RAB38: variants seen among roughly 807,000 people sequenced by gnomAD.
RAB38 encodes the protein RAB38, member RAS oncogene family, also known as ras-related protein Rab-38.
A neutral mutation model predicts 18.4 loss-of-function variants in RAB38; 15 were observed. That is an observed-to-expected ratio of 0.82 (90% CI 0.55 to 1.26). The LOEUF is 1.26. Ranked by LOEUF, RAB38 falls within the 50% of genes most tolerant of loss-of-function variation. RAB38 has a pLI of 0.00. For missense variants in RAB38, 294 were observed against 267.4 expected, an observed-to-expected ratio of 1.10 and a Z score of -0.69; for synonymous variants, 101 against 104.4, an observed-to-expected ratio of 0.97 and a Z score of 0.20.
At chr11:88,089,136 T>A in the RAB38 span, among the ~76,000 whole-genome samples, 1 of 151,978 alleles carries the variant, frequency 6.6e-6, no homozygotes, top group African/African-American at 2.4e-5. Context: ...TTCCTTCTCA[T>A]GTCAGGGGCA....
At chr11:87,923,562 T>A in the RAB38 span, among the ~76,000 whole-genome samples, 150 of 151,254 alleles carry the variant, frequency 9.9e-4, no homozygotes, top group Middle Eastern at 3.4e-3. Context: ...TGTGTGTGTG[T>A]GTGTGTGTGT....
chr11:87,929,291 C>G, the RAB38 span, among the ~76,000 whole-genome samples: 1 of 151,938 alleles, frequency 6.6e-6, no homozygotes, highest in South Asian at 2.1e-4. Flanking sequence ...CTTATTGTAA[C>G]CCCCTCTTTC....
At chr11:87,971,946 A>T in the RAB38 span, among the ~76,000 whole-genome samples, 2 of 151,730 alleles carry the variant, frequency 1.3e-5, no homozygotes, top group South Asian at 4.2e-4. Context: ...AAAGCTATTT[A>T]AAAAGGAGGC....
At chr11:87,908,459 C>T in the RAB38 span, among the ~76,000 whole-genome samples, 1 of 151,930 alleles carries the variant, frequency 6.6e-6, no homozygotes, top group South Asian at 2.1e-4. Context: ...AGGCTTCAAG[C>T]AGAATTCTAA....
chr11:88,042,344 T>G, the RAB38 span, among the ~76,000 whole-genome samples: 1 of 152,264 alleles, frequency 6.6e-6, no homozygotes, highest in South Asian at 2.1e-4. Context: ...TAATTGCTTC[T>G]CTAGGATGTG....
At chr11:87,939,641 T>G in the RAB38 span, among the ~76,000 whole-genome samples, 13 of 152,118 alleles carry the variant, frequency 8.5e-5, no homozygotes, top group Non-Finnish European at 1.6e-4. Context: ...TAAGATAGCT[T>G]GAGCCCAGGA....
the RAB38 span, among the ~76,000 whole-genome samples, chr11:87,891,770 A>G: frequency 6.6e-6 from 1 of 151,902 alleles, no homozygotes; most frequent in Admixed American, 6.6e-5. Context: ...GCCACTAGGA[A>G]TCAGGAGTAA....
the RAB38 span, among the ~76,000 whole-genome samples, chr11:87,863,148 C>CTAGAATGGTCTTCCAATGT: frequency 6.6e-6 from 1 of 151,768 alleles, no homozygotes; most frequent in Non-Finnish European, 1.5e-5. Context: ...ATGAGCGGGA[C>CTAGAATGGTCTTCCAATGT]TAGAATGGTC....
rs541969815 is a variant in RAB38 at position 88,164,244 on chromosome 11, C to T, written c.202+10939G>A. 5.5e-5 allele frequency among the ~76,000 whole-genome samples: 6 copies of T among 109,592 alleles called. No individual in the cohort carries two copies. In the South Asian group the frequency reaches 1.6e-3, roughly 30 times the overall value. 71.9% of individuals were successfully genotyped at this position (109,592 alleles called of 152,430 possible). On this transcript the variant is annotated intron_variant, in intron 1 of 2. Transcript: ENST00000243662. ...ACAGTTATAACTCCCAAAATATATG[C>T]CAAGGTGCTCTCGGTGGGGGGGGGT...
chr11:87,845,727 G>C, the RAB38 span, among the ~76,000 whole-genome samples: 1 of 151,996 alleles, frequency 6.6e-6, no homozygotes, highest in Non-Finnish European at 1.5e-5. Flanking sequence ...CTCAAAGACA[G>C]CAACACTAGA....
At chr11:88,035,499 C>T in the RAB38 span, among the ~76,000 whole-genome samples, 1 of 152,050 alleles carries the variant, frequency 6.6e-6, no homozygotes, top group Non-Finnish European at 1.5e-5. Flanking sequence ...AGGCGAGGTC[C>T]CACAATAGGC....
At chr11:88,046,140 A>C in the RAB38 span, among the ~76,000 whole-genome samples, 1 of 151,990 alleles carries the variant, frequency 6.6e-6, no homozygotes, top group Non-Finnish European at 1.5e-5. Flanking sequence ...CATCTCATTA[A>C]AACCTAATCA....
chr11:87,835,603 A>G, the RAB38 span, among the ~76,000 whole-genome samples: 4 of 152,152 alleles, frequency 2.6e-5, no homozygotes, highest in South Asian at 6.2e-4. Flanking sequence ...GTCTTAATTC[A>G]GTATGACTGC....
the RAB38 span, among the ~76,000 whole-genome samples, chr11:87,890,477 C>G: frequency 2.6e-5 from 4 of 151,834 alleles, no homozygotes; most frequent in African/African-American, 9.7e-5. Context: ...ATCTAAAATT[C>G]ATATCCGATC....
At chr11:88,054,290 G>C in the RAB38 span, among the ~76,000 whole-genome samples, 2 of 152,066 alleles carry the variant, frequency 1.3e-5, no homozygotes, top group Non-Finnish European at 2.9e-5. Context: ...GATGAACCAG[G>C]TCTCCTTGAC....
chr11:88,165,020 C>T (rs1943230609), intron 1 of RAB38, among the ~76,000 whole-genome samples: 1 of 152,054 alleles, frequency 6.6e-6, no homozygotes, highest in African/African-American at 2.4e-5. Context: ...ATAAGTCAAA[C>T]CAACCATATG....
the RAB38 span, among the ~76,000 whole-genome samples, chr11:87,923,094 G>A: frequency 1.3e-5 from 2 of 151,946 alleles, no homozygotes; most frequent in Admixed American, 1.3e-4. Context: ...AATCATGGTA[G>A]CTGTTCTGTT....
At chr11:87,806,033 G>A in the RAB38 span, among the ~76,000 whole-genome samples, 1 of 152,140 alleles carries the variant, frequency 6.6e-6, no homozygotes, top group African/African-American at 2.4e-5. Context: ...ACTGAAGTTT[G>A]ACCAAAAACT....
At chr11:87,861,178 C>A in the RAB38 span, among the ~76,000 whole-genome samples, 1 of 151,860 alleles carries the variant, frequency 6.6e-6, no homozygotes, top group Non-Finnish European at 1.5e-5. Context: ...GGAAAAAGGC[C>A]ATCTTATTCA....
Sources: gnomAD v4.1 joint callset for allele counts (sites outside exome capture counted in the v4.1 genomes callset) on GRCh38, gnomAD v4.1.1 for gene constraint, MANE v1.5 for transcripts, NCBI Gene and HGNC (gene_info 2026-07-23, HGNC 2026-07-21) for gene names.